Variants in HERC4 observed in about 807,000 individuals in gnomAD.
HERC4 encodes probable E3 ubiquitin-protein ligase HERC4.
In HERC4, 28 loss-of-function variants were observed where a neutral mutation model predicts 124.3. That is an observed-to-expected ratio of 0.23 (90% CI 0.17 to 0.31). The LOEUF (loss-of-function observed/expected upper bound fraction) is 0.31. Among genes scored for constraint, HERC4 ranks in the 10% least tolerant of loss-of-function variants. HERC4 has a pLI of 1.00. For missense variants in HERC4, 713 were observed against 1,229.3 expected, an observed-to-expected ratio of 0.58 and a Z score of 6.28; for synonymous variants, 407 against 421.5, an observed-to-expected ratio of 0.97 and a Z score of 0.42.
intron 3 of HERC4, chr10:68,069,780 C>G (rs539042405): frequency 1.0e-6 from 1 of 983,424 alleles, no homozygotes; most frequent in Non-Finnish European, 1.2e-6. Context: ...CGGTGGCTCA[C>G]GCCTGTAATC....
chr10:68,066,504 T>C (rs915854814), intron 3 of HERC4, among the ~76,000 whole-genome samples: 2 of 152,232 alleles, frequency 1.3e-5, no homozygotes, highest in African/African-American at 4.8e-5. Context: ...TTCCCTTTGT[T>C]AGACTGCTCA....
intron 19 of HERC4, among the ~76,000 whole-genome samples, chr10:67,941,755 T>C (rs2032925772): frequency 6.9e-6 from 1 of 145,154 alleles, no homozygotes; most frequent in African/African-American, 2.6e-5. Flanking sequence ...CTCTGCTCAC[T>C]GCAACGTATG....
At chr10:67,945,288 T>C (rs1052127963) in intron 19 of HERC4, among the ~76,000 whole-genome samples, 1 of 152,202 alleles carries the variant, frequency 6.6e-6, no homozygotes, top group Non-Finnish European at 1.5e-5. Flanking sequence ...GCCAGGAGAA[T>C]GGCATGACAT....
At chr10:67,967,145 C>T (rs1400361252) in intron 15 of HERC4, among the ~76,000 whole-genome samples, 5 of 152,290 alleles carry the variant, frequency 3.3e-5, no homozygotes, top group Middle Eastern at 3.4e-3. Flanking sequence ...TGAGCCACCA[C>T]GCCTGGCCAA....
chr10:68,008,985 C>T (rs1035132210), intron 9 of HERC4, among the ~76,000 whole-genome samples: 39 of 152,074 alleles, frequency 2.6e-4, no homozygotes, highest in Non-Finnish European at 1.0e-4. Flanking sequence ...CTTTAAGAGG[C>T]CAAGGTGGGC....
chr10:67,955,238 G>T, intron 17 of HERC4, 108 bp from the exon 18 acceptor site: 1 of 923,066 alleles, frequency 1.1e-6, no homozygotes. Flanking sequence ...TAATTCCTAT[G>T]CTACTGAATT....
chr10:67,975,577 T>C (rs922554435), intron 15 of HERC4, among the ~76,000 whole-genome samples: 3 of 152,262 alleles, frequency 2.0e-5, no homozygotes, highest in South Asian at 2.1e-4. Flanking sequence ...CTCAAATTCC[T>C]GATCTCAGGT....
At chr10:67,967,959 C>G (rs1203744061) in intron 15 of HERC4, among the ~76,000 whole-genome samples, 1 of 151,702 alleles carries the variant, frequency 6.6e-6, no homozygotes, top group East Asian at 1.9e-4. Context: ...TAGAGGAATT[C>G]TGGTACTAAA....
intron 3 of HERC4, among the ~76,000 whole-genome samples, chr10:68,051,259 A>G (rs898672223): frequency 1.3e-5 from 2 of 152,152 alleles, no homozygotes; most frequent in Non-Finnish European, 2.9e-5. Context: ...CATTATAGTC[A>G]ACAGTAATTC....
intron 15 of HERC4, among the ~76,000 whole-genome samples, chr10:67,987,020 T>C (rs2036300572): frequency 6.6e-6 from 1 of 152,170 alleles, no homozygotes; most frequent in African/African-American, 2.4e-5. Flanking sequence ...AAGTTAAATA[T>C]ATCTAGAGTA....
intron 3 of HERC4, chr10:68,068,985 T>A: frequency 1.1e-6 from 1 of 929,222 alleles, no homozygotes; most frequent in Non-Finnish European, 1.3e-6. Context: ...AAAAAACTGT[T>A]TTTTAGATAA....
chr10:68,060,625 C>T (rs35880990), intron 3 of HERC4, among the ~76,000 whole-genome samples: 9,581 of 152,192 alleles, frequency 0.063, 338 homozygotes, highest in East Asian at 0.11. Flanking sequence ...CAATGCAGTA[C>T]CAACTTATAA....
At chr10:67,989,299 C>T (rs2036429566) in intron 14 of HERC4, among the ~76,000 whole-genome samples, 1 of 151,942 alleles carries the variant, frequency 6.6e-6, no homozygotes, top group Non-Finnish European at 1.5e-5. Flanking sequence ...GCAAGGTACT[C>T]CTGAAGATCA....
intron 9 of HERC4, among the ~76,000 whole-genome samples, chr10:67,996,616 A>C (rs963130244): frequency 6.6e-6 from 1 of 152,162 alleles, no homozygotes; most frequent in African/African-American, 2.4e-5. Context: ...CTTAAAAAAT[A>C]GTTTTTTATT....
intron 3 of HERC4, among the ~76,000 whole-genome samples, chr10:68,061,677 G>A (rs890895890): frequency 6.6e-6 from 1 of 151,278 alleles, no homozygotes; most frequent in African/African-American, 2.4e-5. Flanking sequence ...TCAGGAGTTC[G>A]AGACCAGCCT....
intron 5 of HERC4, among the ~76,000 whole-genome samples, chr10:68,036,350 AAG>A (rs1248268036): frequency 6.6e-6 from 1 of 152,036 alleles, no homozygotes; most frequent in East Asian, 1.9e-4. Context: ...GCAAATGAAT[AAG>A]ATATTGCCTA....
Position 67,954,650 on chromosome 10 carries a change from T to G in HERC4, c.2282A>C (p.Lys761Thr), listed in dbSNP as rs1197754647. 6.2e-7 allele frequency: 1 copy of G among 1,613,588 alleles called. No homozygotes were observed. The highest frequency in any genetic ancestry group is 1.7e-5 in the Admixed American group (1 of 59,988). ...TTCATAATACCTAAACATGCCGTATTTAGGATCCAATAATTCCCTCATGAT... is the reference window on the plus strand; with the variant it reads ...TTCATAATACCTAAACATGCCGTATGTAGGATCCAATAATTCCCTCATGAT... ...LLIMRELLDPKYGMFRYYEDS... is the reference protein window; with the variant it reads ...LLIMRELLDPTYGMFRYYEDS... The change falls in exon 19 of 25, where the codon AAA (lysine) becomes ACA (threonine). Residue 761 changes from lysine to threonine, a missense_variant. Transcript: ENST00000373700.
chr10:68,039,713 GGCAAT>G, intron 4 of HERC4: 1 of 1,339,124 alleles, frequency 7.5e-7, no homozygotes, highest in Non-Finnish European at 9.6e-7. Flanking sequence ...ATCAAACACT[GGCAAT>G]GCAAACAGAG....
intron 9 of HERC4, among the ~76,000 whole-genome samples, chr10:68,002,550 G>A (rs1006493250): frequency 3.3e-5 from 5 of 151,104 alleles, no homozygotes; most frequent in South Asian, 4.2e-4. Flanking sequence ...GGCTAAAGCT[G>A]CATGGATATA....
Sources: gnomAD v4.1 joint callset for allele counts (sites outside exome capture counted in the v4.1 genomes callset) on GRCh38, gnomAD v4.1.1 for gene constraint, MANE v1.5 for transcripts, NCBI Gene and HGNC (gene_info 2026-07-23, HGNC 2026-07-21) for gene names.